FCHSD2: variants seen among roughly 807,000 people sequenced by gnomAD.
The protein encoded by FCHSD2 is F-BAR and double SH3 domains protein 2.
In FCHSD2, 38 loss-of-function variants were observed where a neutral mutation model predicts 108.1. That is an observed-to-expected ratio of 0.35 (90% CI 0.27 to 0.46). The LOEUF is 0.46. FCHSD2 is among the 20% of genes least tolerant of loss of function. FCHSD2 has a pLI of 1.00. For synonymous variants in FCHSD2, 279 were observed against 314.7 expected (o/e 0.89, Z 1.20); for missense variants, 751 against 897.8 (o/e 0.84, Z 2.09).
intron 8 of FCHSD2, among the ~76,000 whole-genome samples, chr11:72,981,994 T>G (rs1273141919): frequency 2.0e-5 from 3 of 152,104 alleles, no homozygotes; most frequent in African/African-American, 7.2e-5. Flanking sequence ...AAACTATATA[T>G]ACTAAAACAC....
intron 5 of FCHSD2, among the ~76,000 whole-genome samples, chr11:72,993,469 T>C (rs1003689100): frequency 2.6e-5 from 4 of 152,150 alleles, no homozygotes; most frequent in African/African-American, 4.8e-5. Flanking sequence ...CATATGTTTA[T>C]TGTGGCACTA....
intron 9 of FCHSD2, among the ~76,000 whole-genome samples, chr11:72,916,381 T>G (rs536002745): frequency 6.7e-6 from 1 of 149,264 alleles, no homozygotes; most frequent in East Asian, 2.0e-4. Context: ...AGCATGATCA[T>G]AGCCTGCTGC....
At chr11:73,069,172 G>A (rs570637642) in intron 3 of FCHSD2, among the ~76,000 whole-genome samples, 7 of 151,756 alleles carry the variant, frequency 4.6e-5, no homozygotes, top group East Asian at 3.9e-4. Flanking sequence ...TTAGCCAGGC[G>A]TGGTGGCATG....
chr11:72,867,944 A>G lies in FCHSD2; in HGVS notation c.1229T>C (p.Met410Thr), dbSNP rs1299907243. The G allele has an allele frequency of 6.2e-7, 1 of 1,605,240 alleles. No homozygotes were observed. Among genetic ancestry groups the G allele is most frequent in the Non-Finnish European group, 8.5e-7 (1 of 1,176,074 alleles). The change falls in exon 13 of 20, where the codon ATG (methionine) becomes ACG (threonine). Residue 410 changes from methionine to threonine, a missense_variant. By Grantham distance (81) the Met-to-Thr change is moderately conservative (BLOSUM62 -1). Transcript: ENST00000409418. ...VSVDTWLKSA[M>T]NQVMEELENE... ...TTCCAGTTCTTCCATTACTTGGTTC[A>G]TGGCACTCTTTAGCCATGTGTCCAC...
rs147320980 is a variant in FCHSD2 at position 73,040,403 on chromosome 11, C to T, written c.166-24518G>A. On this transcript the variant is annotated intron_variant, in intron 3 of 19. Transcript: ENST00000409418. ...TTACAATACATGTGAGATGTATAAA[C>T]ACATACACACAGATACACATTTGTA... Among the ~76,000 whole-genome samples the T allele has an allele frequency of 2.1e-3, 317 of 152,310 alleles. 1 individual carries two copies. Among genetic ancestry groups the T allele is most frequent in the African/African-American group, 7.2e-3 (299 of 41,572 alleles).
intron 3 of FCHSD2, among the ~76,000 whole-genome samples, chr11:73,046,409 G>C (rs1480571154): frequency 1.3e-5 from 2 of 152,114 alleles, no homozygotes; most frequent in African/African-American, 4.8e-5. Flanking sequence ...ACAAACATTG[G>C]AATATGTCTG....
At chr11:73,054,754 C>A (rs559958964) in intron 3 of FCHSD2, among the ~76,000 whole-genome samples, 14 of 152,090 alleles carry the variant, frequency 9.2e-5, no homozygotes, top group Non-Finnish European at 1.8e-4. Context: ...TGGCTCACTG[C>A]AGCCTTGACC....
intron 12 of FCHSD2, among the ~76,000 whole-genome samples, chr11:72,882,386 TG>T (rs1366499302): frequency 6.7e-6 from 1 of 149,458 alleles, no homozygotes; most frequent in African/African-American, 2.5e-5. Flanking sequence ...AGTAGAATGA[TG>T]GTTATCAGAA....
At chr11:73,056,978 G>A (rs1321979517) in intron 3 of FCHSD2, among the ~76,000 whole-genome samples, 2 of 152,132 alleles carry the variant, frequency 1.3e-5, no homozygotes, top group African/African-American at 4.8e-5. Context: ...AGCTACTTGG[G>A]AAACTGAGGC....
At chr11:73,096,647 G>A (rs1224863295) in intron 2 of FCHSD2, among the ~76,000 whole-genome samples, 2 of 152,050 alleles carry the variant, frequency 1.3e-5, no homozygotes, top group Admixed American at 1.3e-4. Flanking sequence ...TGGTAAAAAG[G>A]TGCATCCTTG....
At chr11:72,841,657 C>G in intron 17 of FCHSD2, 74 bp from the exon 18 acceptor site, 1 of 1,413,606 alleles carries the variant, frequency 7.1e-7, no homozygotes, top group Non-Finnish European at 9.4e-7. Flanking sequence ...TCTGACTGCT[C>G]TGTACTCATG....
At chr11:72,917,698 TAA>T (rs1855901851) in intron 9 of FCHSD2, among the ~76,000 whole-genome samples, 1 of 152,156 alleles carries the variant, frequency 6.6e-6, no homozygotes, top group African/African-American at 2.4e-5. Context: ...CTAGCCTGGC[TAA>T]CATGACGAAA....
chr11:72,866,314 G>C (rs1360742621), intron 13 of FCHSD2, among the ~76,000 whole-genome samples: 1 of 152,090 alleles, frequency 6.6e-6, no homozygotes, highest in Non-Finnish European at 1.5e-5. Context: ...TTGTCACCCA[G>C]GCTGGAGTGC....
intron 9 of FCHSD2, among the ~76,000 whole-genome samples, chr11:72,911,336 C>G (rs1020216136): frequency 9.9e-5 from 15 of 152,114 alleles, no homozygotes; most frequent in Non-Finnish European, 4.4e-5. Context: ...TATTCTGTTC[C>G]ACTGGTATTT....
At chr11:73,079,928 C>T (rs962056662) in intron 3 of FCHSD2, among the ~76,000 whole-genome samples, 10 of 151,984 alleles carry the variant, frequency 6.6e-5, no homozygotes, top group Admixed American at 2.0e-4. Context: ...TTATTAGATA[C>T]GTTACATAGT....
chr11:72,865,587 C>T (rs373075007), intron 13 of FCHSD2, among the ~76,000 whole-genome samples: 2 of 151,692 alleles, frequency 1.3e-5, no homozygotes, highest in African/African-American at 4.8e-5. Flanking sequence ...CCTTCCTTCA[C>T]AACGAGAACA....
intron 7 of FCHSD2, 92 bp from the exon 8 acceptor site, chr11:72,984,308 C>T: frequency 5.0e-6 from 6 of 1,196,832 alleles, no homozygotes; most frequent in Non-Finnish European, 7.3e-6. Flanking sequence ...ATTAATGGCT[C>T]CCCAACAAGA....
intron 2 of FCHSD2, among the ~76,000 whole-genome samples, chr11:73,113,443 A>ACTG (rs1373793916): frequency 3.0e-5 from 4 of 131,358 alleles, no homozygotes; most frequent in African/African-American, 1.2e-4. Context: ...ATCTTGGCTC[A>ACTG]CTGCAACCTC....
At chr11:73,078,767 G>C (rs1859614043) in intron 3 of FCHSD2, among the ~76,000 whole-genome samples, 1 of 152,140 alleles carries the variant, frequency 6.6e-6, no homozygotes. Context: ...CACCAAGTCT[G>C]AAGCACAGTG....
Sources: allele counts gnomAD v4.1 joint callset (sites outside exome capture counted in the v4.1 genomes callset), GRCh38; gene constraint gnomAD v4.1.1; transcripts MANE v1.5; gene names NCBI Gene and HGNC (gene_info 2026-07-23, HGNC 2026-07-21).